Variants in USP34 observed in about 807,000 individuals in gnomAD.
USP34 encodes the protein ubiquitin carboxyl-terminal hydrolase 34.
Under a neutral mutation model 460.3 loss-of-function variants are expected in USP34, and 70 were observed. The observed-to-expected ratio is 0.15, with a 90% CI of 0.13 to 0.19. USP34 has a LOEUF of 0.19. Ranked by LOEUF, USP34 falls within the 10% of genes least tolerant of loss-of-function variation. The pLI, the probability that USP34 is intolerant of heterozygous loss-of-function variation, is 1.00. For synonymous variants in USP34, 1,647 were observed against 1,405.3 expected (o/e 1.17, Z -3.85); for missense variants, 3,985 against 4,236.2 (o/e 0.94, Z 1.65).
At chr2:61,421,028 G>A (rs576639458) in intron 1 of USP34, among the ~76,000 whole-genome samples, 195 bp from the exon 2 acceptor site, 5 of 143,910 alleles carry the variant, frequency 3.5e-5, no homozygotes, top group Non-Finnish European at 6.4e-5. Context: ...TGTAAGGGGT[G>A]GGGGGGGCAG....
intron 3 of USP34, among the ~76,000 whole-genome samples, 153 bp from the exon 4 acceptor site, chr2:61,395,386 T>C (rs941267708): frequency 3.3e-5 from 5 of 152,202 alleles, no homozygotes; most frequent in African/African-American, 7.2e-5. Context: ...CTGAAGCTAA[T>C]AGGATTCAGC....
chr2:61,267,547 A>G (rs1240713900), intron 41 of USP34, among the ~76,000 whole-genome samples: 1 of 151,362 alleles, frequency 6.6e-6, no homozygotes, highest in Non-Finnish European at 1.5e-5. Context: ...GGTTCGAGCG[A>G]TTCTCCTGCC....
chr2:61,425,778 A>T (rs1694493014), intron 1 of USP34, among the ~76,000 whole-genome samples: 1 of 152,092 alleles, frequency 6.6e-6, no homozygotes, highest in Non-Finnish European at 1.5e-5. Context: ...AGGGAATGAG[A>T]CATACTGAGA....
intron 10 of USP34, among the ~76,000 whole-genome samples, chr2:61,369,255 T>G (rs1182920860): frequency 6.6e-6 from 1 of 152,230 alleles, no homozygotes; most frequent in African/African-American, 2.4e-5. Flanking sequence ...CTAATTCTAC[T>G]TGTAAGTAAG....
intron 16 of USP34, among the ~76,000 whole-genome samples, chr2:61,341,076 T>C (rs955133710): frequency 2.6e-5 from 4 of 151,294 alleles, no homozygotes; most frequent in Non-Finnish European, 5.9e-5. Context: ...GAACTGCACA[T>C]AAGTAATACA....
At chr2:61,308,834 A>T (rs969295287) in intron 27 of USP34, among the ~76,000 whole-genome samples, 7 of 152,306 alleles carry the variant, frequency 4.6e-5, no homozygotes, top group African/African-American at 1.7e-4. Context: ...TGAGCTCAAG[A>T]GTTTGAGATG....
At chr2:61,193,365 TAAAAAAAAA>T (rs577314106) in intron 75 of USP34, 2 of 97,242 alleles carry the variant, frequency 2.1e-5, no homozygotes, top group East Asian at 3.7e-4. Context: ...AGGGGAAAGG[TAAAAAAAAA>T]AAAAAAAAAA....
At chr2:61,456,175 A>G (rs145362404) in intron 1 of USP34, among the ~76,000 whole-genome samples, 1 of 152,358 alleles carries the variant, frequency 6.6e-6, no homozygotes, top group East Asian at 1.9e-4. Flanking sequence ...AATGGTTTTC[A>G]GTGTATTAGA....
At chr2:61,392,873 C>T (rs1036345038) in intron 5 of USP34, among the ~76,000 whole-genome samples, 1 of 152,186 alleles carries the variant, frequency 6.6e-6, no homozygotes, top group African/African-American at 2.4e-5. Flanking sequence ...GTTATCCCAG[C>T]ATTCCAGTTA....
At chr2:61,190,691 G>A (rs368208436) in intron 76 of USP34, 33 bp from the exon 77 acceptor site, 74 of 1,581,884 alleles carry the variant, frequency 4.7e-5, no homozygotes, top group Middle Eastern at 3.8e-4. Flanking sequence ...GAGCACTTAC[G>A]GTTGAGCACG....
Position 61,288,865 on chromosome 2 carries a change from A to T in USP34, c.4561T>A (p.Cys1521Ser). 1 of 1,612,832 alleles carries T rather than the reference A, an allele frequency of 6.2e-7. No individual in the cohort carries two copies. Among genetic ancestry groups the T allele is most frequent in the South Asian group, 1.1e-5 (1 of 91,082 alleles). ...ATTAACTTCAGCAAGCAAGCAAGAC[A>T]GTCTAGCTGCCACTGTAAATGAGAA... Reference protein sequence around the residue: ...QESWTVWQLDCLACLLKLICQ... With the variant: ...QESWTVWQLDSLACLLKLICQ... Residue 1521 changes from cysteine (C) to serine (S), a missense_variant, in exon 34 of 80, where the codon TGT becomes AGT. Physicochemically the swap from Cys to Ser is moderately radical, Grantham distance 112. Around this residue, in one of 14 missense-constraint regions of USP34, gnomAD observed 1,114 missense variants for 1,122.5 expected, o/e 0.99. Transcript: ENST00000398571.
At chr2:61,338,046 GCA>G (rs1691479997) in intron 18 of USP34, among the ~76,000 whole-genome samples, 1 of 152,160 alleles carries the variant, frequency 6.6e-6, no homozygotes, top group African/African-American at 2.4e-5. Context: ...TACCGGCCAG[GCA>G]CAGTGACTCA....
chr2:61,235,681 G>A (rs1371307478), intron 57 of USP34, among the ~76,000 whole-genome samples, 164 bp downstream of exon 57: 6 of 151,860 alleles, frequency 4.0e-5, no homozygotes, highest in African/African-American at 1.5e-4. Flanking sequence ...TAATGGATGT[G>A]ATATATAAAT....
chr2:61,203,733 A>G (rs1687037173), intron 74 of USP34, among the ~76,000 whole-genome samples: 1 of 152,276 alleles, frequency 6.6e-6, no homozygotes, highest in South Asian at 2.1e-4. Context: ...TGTTTTTAAA[A>G]AAGTTGAAAC....
intron 72 of USP34, among the ~76,000 whole-genome samples, chr2:61,205,204 T>G (rs1687082954): frequency 6.6e-6 from 1 of 152,190 alleles, no homozygotes; most frequent in South Asian, 2.1e-4. Flanking sequence ...CCAAAACAGC[T>G]TAGAAAGAAA....
intron 10 of USP34, among the ~76,000 whole-genome samples, chr2:61,357,870 C>T (rs1227139022): frequency 6.6e-6 from 1 of 151,988 alleles, no homozygotes; most frequent in African/African-American, 2.4e-5. Context: ...GCTTGGGCAA[C>T]AGAGCAAGAA....
intron 10 of USP34, among the ~76,000 whole-genome samples, chr2:61,359,815 C>T: frequency 7.8e-6 from 1 of 127,920 alleles, no homozygotes; most frequent in East Asian, 2.7e-4. Context: ...GACAGTCTCA[C>T]TCTGTCACCC....
intron 1 of USP34, among the ~76,000 whole-genome samples, chr2:61,460,606 A>T (rs995505066): frequency 3.9e-5 from 6 of 152,086 alleles, no homozygotes; most frequent in African/African-American, 1.4e-4. Flanking sequence ...TGGAAGTCTC[A>T]GAACACATTC....
At chr2:61,351,220 A>G (rs1030710641) in intron 10 of USP34, among the ~76,000 whole-genome samples, 1 of 152,238 alleles carries the variant, frequency 6.6e-6, no homozygotes, top group African/African-American at 2.4e-5. Flanking sequence ...AAATAAGACA[A>G]TAAATTACGC....
Sources: gnomAD v4.1 joint callset for allele counts (sites outside exome capture counted in the v4.1 genomes callset) on GRCh38, gnomAD v4.1.1 for gene constraint, gnomAD v4.1.1 regional missense constraint, MANE v1.5 for transcripts, NCBI Gene and HGNC (gene_info 2026-07-23, HGNC 2026-07-21) for gene names.